The following SCAPER variants were observed in gnomAD, a reference collection of about 807,000 sequenced individuals.
SCAPER encodes the protein S phase cyclin A-associated protein in the endoplasmic reticulum.
In SCAPER, 98 loss-of-function variants were observed where a neutral mutation model predicts 182.2. The ratio of observed to expected loss-of-function variants is 0.54; its 90% CI spans 0.46 to 0.64. The LOEUF (loss-of-function observed/expected upper bound fraction) is 0.64, where lower values mean the gene tolerates loss of function less well. SCAPER is among the 30% of genes least tolerant of loss of function. SCAPER has a pLI of 0.00. For missense variants in SCAPER, 1,432 were observed against 1,690.0 expected (o/e 0.85, Z 2.68); for synonymous variants, 605 against 564.6 (o/e 1.07, Z -1.01).
At chr15:76,441,069 CCGCCACCA>C (rs1369128771) in intron 25 of SCAPER, among the ~76,000 whole-genome samples, 3 of 151,508 alleles carry the variant, frequency 2.0e-5, no homozygotes, top group Non-Finnish European at 4.4e-5. Context: ...CTACAGGCAC[CCGCCACCA>C]CGCCCGGCTA....
intron 17 of SCAPER, among the ~76,000 whole-genome samples, chr15:76,715,611 C>T (rs1567895749): frequency 6.6e-6 from 1 of 152,062 alleles, no homozygotes; most frequent in East Asian, 1.9e-4. Context: ...AGAGCCTGGG[C>T]TATTATACCA....
At chr15:76,389,405 G>A (rs1224585154) in intron 27 of SCAPER, among the ~76,000 whole-genome samples, 2 of 147,720 alleles carry the variant, frequency 1.4e-5, no homozygotes, top group African/African-American at 4.9e-5. Flanking sequence ...GGAGGCTGAG[G>A]CAGGAGAATG....
At chr15:76,439,816 A>C (rs1381918501) in intron 25 of SCAPER, among the ~76,000 whole-genome samples, 2 of 152,246 alleles carry the variant, frequency 1.3e-5, no homozygotes, top group Admixed American at 6.5e-5. Flanking sequence ...GTATGTACCA[A>C]GCCTGGCCTG....
intron 21 of SCAPER, among the ~76,000 whole-genome samples, chr15:76,656,768 GA>G (rs1391988585): frequency 6.6e-6 from 1 of 152,078 alleles, no homozygotes; most frequent in Non-Finnish European, 1.5e-5. Context: ...CAATGAAATG[GA>G]AATTAAACAA....
chr15:76,857,126 T>C (rs1219773578), intron 4 of SCAPER, among the ~76,000 whole-genome samples: 5 of 152,046 alleles, frequency 3.3e-5, no homozygotes. Flanking sequence ...GCTAAGAGCA[T>C]AAACTGTGGA....
intron 17 of SCAPER, among the ~76,000 whole-genome samples, chr15:76,708,798 A>G (rs888215619): frequency 2.7e-4 from 41 of 152,076 alleles, no homozygotes; most frequent in Admixed American, 2.7e-3. Flanking sequence ...GGGCACGATG[A>G]CTCACACCTG....
At chr15:76,605,870 T>TCC (rs761682571) in intron 22 of SCAPER, among the ~76,000 whole-genome samples, 18 of 152,312 alleles carry the variant, frequency 1.2e-4, no homozygotes, top group Admixed American at 1.0e-3. Context: ...GGTGGTGATA[T>TCC]CCCCTTTATC....
At chr15:76,764,692 C>T (rs900222893) in intron 14 of SCAPER, among the ~76,000 whole-genome samples, 1 of 152,176 alleles carries the variant, frequency 6.6e-6, no homozygotes, top group Non-Finnish European at 1.5e-5. Flanking sequence ...TTAGACAAAC[C>T]TCCCCAAGGA....
intron 20 of SCAPER, among the ~76,000 whole-genome samples, chr15:76,700,288 C>T (rs1259882071): frequency 6.6e-6 from 1 of 152,216 alleles, no homozygotes; most frequent in East Asian, 1.9e-4. Context: ...TCCACAGCAG[C>T]TGTTCCTGTG....
chr15:76,680,090 A>T (rs1328418743), intron 20 of SCAPER, among the ~76,000 whole-genome samples: 5 of 152,108 alleles, frequency 3.3e-5, no homozygotes, highest in African/African-American at 9.7e-5. Context: ...AAATAACATC[A>T]ATCTTTCAAA....
At chr15:76,859,613 C>G (rs2071703186) in intron 3 of SCAPER, among the ~76,000 whole-genome samples, 1 of 152,254 alleles carries the variant, frequency 6.6e-6, no homozygotes, top group Non-Finnish European at 1.5e-5. Flanking sequence ...AAAGTTTTAA[C>G]AATATAAAAT....
chr15:76,719,373 T>A (rs8042889), intron 17 of SCAPER, among the ~76,000 whole-genome samples: 10,180 of 152,146 alleles, frequency 0.067, 378 homozygotes, highest in Middle Eastern at 0.11. Flanking sequence ...AGGTATTAGT[T>A]ATCACGGGTG....
At chr15:76,518,736 C>A (rs1017151159) in intron 23 of SCAPER, among the ~76,000 whole-genome samples, 1 of 152,184 alleles carries the variant, frequency 6.6e-6, no homozygotes, top group Non-Finnish European at 1.5e-5. Context: ...CCTTTCAGCA[C>A]GGGGACTTCA....
intron 2 of SCAPER, among the ~76,000 whole-genome samples, chr15:76,863,280 C>T (rs1428757812): frequency 6.6e-6 from 1 of 152,190 alleles, no homozygotes; most frequent in African/African-American, 2.4e-5. Flanking sequence ...GATCATAAAA[C>T]ACCCATGTGA....
At chr15:76,497,027 A>G (rs2040613830) in intron 24 of SCAPER, among the ~76,000 whole-genome samples, 1 of 151,544 alleles carries the variant, frequency 6.6e-6, no homozygotes, top group South Asian at 2.1e-4. Context: ...ACCTCAAGAG[A>G]GCTGGAACAA....
At chr15:76,607,305 G>C (rs187228810) in intron 22 of SCAPER, among the ~76,000 whole-genome samples, 71 of 152,250 alleles carry the variant, frequency 4.7e-4, no homozygotes, top group African/African-American at 1.6e-3. Flanking sequence ...TGAAATTCTG[G>C]GTTGAAAATT....
chr15:76,846,398 C>A (rs1455454280), intron 4 of SCAPER, among the ~76,000 whole-genome samples: 1 of 151,544 alleles, frequency 6.6e-6, no homozygotes, highest in South Asian at 2.1e-4. Context: ...AAACAATCAA[C>A]AAAGTGAAGA....
intron 16 of SCAPER, 126 bp from the exon 17 acceptor site, chr15:76,728,863 A>T: frequency 1.0e-6 from 1 of 959,784 alleles, no homozygotes. Context: ...GCCACTAGGT[A>T]CTCTGCTTCT....
intron 8 of SCAPER, among the ~76,000 whole-genome samples, chr15:76,788,953 C>G (rs1322877031): frequency 2.0e-5 from 3 of 152,162 alleles, no homozygotes; most frequent in Admixed American, 2.0e-4. Context: ...AGAACTACAG[C>G]TACCCGGCCC....
Sources: gnomAD v4.1 joint callset for allele counts (sites outside exome capture counted in the v4.1 genomes callset) on GRCh38, gnomAD v4.1.1 for gene constraint, MANE v1.5 for transcripts, NCBI Gene and HGNC (gene_info 2026-07-23, HGNC 2026-07-21) for gene names.